TENM3: variants seen among roughly 807,000 people sequenced by gnomAD.
TENM3 encodes teneurin transmembrane protein 3, also known as teneurin-3.
TENM3 carries 63 observed loss-of-function variants against 255.1 expected under a neutral mutation model. That is an observed-to-expected ratio of 0.25 (90% CI 0.20 to 0.30). The LOEUF (loss-of-function observed/expected upper bound fraction) is 0.30. TENM3 is among the 10% of genes least tolerant of loss of function. The pLI, the probability that TENM3 is intolerant of heterozygous loss-of-function variation, is 1.00. For missense variants in TENM3, 2,929 were observed against 3,461.1 expected, an observed-to-expected ratio of 0.85 and a Z score of 3.86; for synonymous variants, 1,306 against 1,322.3, an observed-to-expected ratio of 0.99 and a Z score of 0.27.
At chr4:181,751,427 A>C in the TENM3 span, among the ~76,000 whole-genome samples, 8 of 151,944 alleles carry the variant, frequency 5.3e-5, no homozygotes, top group Admixed American at 1.3e-4. Flanking sequence ...AAAAAAAAAA[A>C]AAAAAACAAG....
At chr4:181,705,852 G>A in the TENM3 span, among the ~76,000 whole-genome samples, 1 of 152,162 alleles carries the variant, frequency 6.6e-6, no homozygotes, top group Non-Finnish European at 1.5e-5. Flanking sequence ...TATTCACAGG[G>A]TGCAGCCACC....
chr4:182,059,101 G>A, the TENM3 span, among the ~76,000 whole-genome samples: 518 of 152,106 alleles, frequency 3.4e-3, 4 homozygotes, highest in African/African-American at 0.012. Context: ...AGGTCATGCT[G>A]GGATATGCAG....
At chr4:181,569,275 C>T in the TENM3 span, among the ~76,000 whole-genome samples, 4 of 152,196 alleles carry the variant, frequency 2.6e-5, no homozygotes, top group African/African-American at 4.8e-5. Context: ...TAGTTCACCA[C>T]GTCCTTGTTT....
the TENM3 span, among the ~76,000 whole-genome samples, chr4:181,861,206 C>T: frequency 6.6e-6 from 1 of 152,260 alleles, no homozygotes; most frequent in Non-Finnish European, 1.5e-5. Context: ...AGACCTGGCT[C>T]ACCTTTTAAG....
At chr4:182,616,574 T>A (rs984874869) in intron 4 of TENM3, among the ~76,000 whole-genome samples, 5 of 74,048 alleles carry the variant, frequency 6.8e-5, no homozygotes, top group African/African-American at 2.1e-4. Context: ...GCTAACACAG[T>A]GAAAAAAAAA....
chr4:182,668,176 A>C (rs1754882730), intron 6 of TENM3, among the ~76,000 whole-genome samples: 1 of 152,140 alleles, frequency 6.6e-6, no homozygotes. Context: ...CCTTGGGTTT[A>C]TGGTGTCTTC....
the TENM3 span, among the ~76,000 whole-genome samples, chr4:181,961,475 T>C: frequency 6.6e-6 from 1 of 152,064 alleles, no homozygotes; most frequent in Non-Finnish European, 1.5e-5. Flanking sequence ...GGCTGGAGCG[T>C]AGTGTGCGAT....
In TENM3 at chr4:182,438,528, TG is replaced by T. The variant is rs754452570; in HGVS notation, c.511+91600del. On this transcript the variant is annotated intron_variant, in intron 3 of 27. Transcript: ENST00000511685. ...AATTGCTGTTAATCAGAAACTGACT[TG>T]TTTTTTTTCCAGTTAGAAAATTCCT... is the stretch of plus-strand genomic sequence containing the variant. Among the ~76,000 whole-genome samples, 200 of 152,320 alleles carry T rather than the reference TG, an allele frequency of 1.3e-3. 1 individual carries two copies. The highest frequency in any genetic ancestry group is 3.4e-3 in the Middle Eastern group (1 of 294).
At chr4:182,068,280 C>T in the TENM3 span, among the ~76,000 whole-genome samples, 1 of 151,982 alleles carries the variant, frequency 6.6e-6, no homozygotes, top group Non-Finnish European at 1.5e-5. Context: ...CCCATTTATA[C>T]AATGGTTGCA....
intron 13 of TENM3, among the ~76,000 whole-genome samples, chr4:182,719,252 CTTTTTTTTTTTTTTT>C (rs11348241): frequency 1.2e-5 from 1 of 80,822 alleles, no homozygotes; most frequent in East Asian, 4.6e-4. Flanking sequence ...TTTTTTTTTT[CTTTTTTTTTTTTTTT>C]TTTTTTTTTT....
chr4:182,431,930 A>C (rs991398438), intron 3 of TENM3, among the ~76,000 whole-genome samples: 2 of 151,892 alleles, frequency 1.3e-5, no homozygotes, highest in African/African-American at 4.8e-5. Context: ...TAGAAAAATT[A>C]CAGAGGGTGG....
chr4:182,051,760 A>G, the TENM3 span, among the ~76,000 whole-genome samples: 2 of 152,226 alleles, frequency 1.3e-5, no homozygotes, highest in African/African-American at 2.4e-5. Flanking sequence ...TATAATTTAT[A>G]GTTATAGCAA....
chr4:181,700,824 AG>A, the TENM3 span, among the ~76,000 whole-genome samples: 4 of 152,212 alleles, frequency 2.6e-5, no homozygotes, highest in Admixed American at 2.6e-4. Flanking sequence ...ACTGGGGCGG[AG>A]GAACATTTCT....
chr4:182,066,561 T>G, the TENM3 span, among the ~76,000 whole-genome samples: 1 of 143,380 alleles, frequency 7.0e-6, no homozygotes, highest in Non-Finnish European at 1.5e-5. Flanking sequence ...ATTTATTTAT[T>G]TTTGCACAAC....
the TENM3 span, among the ~76,000 whole-genome samples, chr4:181,856,113 GGAAGAAGGAAGGAAAGAAGGAA>G: frequency 8.0e-6 from 1 of 125,452 alleles, no homozygotes; most frequent in Middle Eastern, 4.7e-3. Flanking sequence ...AGGAAGGAAA[GGAAGAAGGAAGGAAAGAAGGAA>G]GAAGGAAGGA....
intron 2 of TENM3, among the ~76,000 whole-genome samples, chr4:182,339,754 A>G (rs1580213743): frequency 6.6e-6 from 1 of 152,254 alleles, no homozygotes; most frequent in Non-Finnish European, 1.5e-5. Flanking sequence ...ATGCCAAACC[A>G]TAGGCGTATT....
chr4:182,562,631 G>A (rs1743319467), intron 3 of TENM3, among the ~76,000 whole-genome samples: 5 of 152,084 alleles, frequency 3.3e-5, no homozygotes, highest in Admixed American at 2.0e-4. Flanking sequence ...AGTTTCATCT[G>A]ACTGAACACC....
intron 12 of TENM3, among the ~76,000 whole-genome samples, chr4:182,708,472 A>G (rs1365431245): frequency 2.6e-5 from 4 of 152,152 alleles, no homozygotes; most frequent in Non-Finnish European, 5.9e-5. Context: ...TTTTTCTGGG[A>G]AGAGAACCCA....
chr4:182,619,273 TA>T (rs1749864807), intron 4 of TENM3, among the ~76,000 whole-genome samples: 3 of 98,052 alleles, frequency 3.1e-5, no homozygotes, highest in East Asian at 5.1e-4. Context: ...TAAAAATAAT[TA>T]AAAAAAATTA....
Sources: gnomAD v4.1 joint callset for allele counts (sites outside exome capture counted in the v4.1 genomes callset) on GRCh38, gnomAD v4.1.1 for gene constraint, MANE v1.5 for transcripts, NCBI Gene and HGNC (gene_info 2026-07-23, HGNC 2026-07-21) for gene names.